CTNNA2: variants seen among roughly 807,000 people sequenced by gnomAD.
CTNNA2 encodes catenin alpha 2.
CTNNA2 carries 42 observed loss-of-function variants against 101.0 expected under a neutral mutation model. The observed-to-expected ratio is 0.42, with a 90% CI of 0.32 to 0.54. CTNNA2 has a LOEUF of 0.54. CTNNA2 is among the 20% of genes least tolerant of loss of function. The probability of loss-of-function intolerance (pLI) is 0.14; values close to 1 mark genes in which losing one functional copy is unlikely to be tolerated. For missense variants in CTNNA2, 871 were observed against 1,223.1 expected, an observed-to-expected ratio of 0.71 and a Z score of 4.29; for synonymous variants, 450 against 456.4, an observed-to-expected ratio of 0.99 and a Z score of 0.18.
intron 6 of CTNNA2, among the ~76,000 whole-genome samples, chr2:79,900,493 A>G (rs1220545208): frequency 6.6e-6 from 1 of 152,218 alleles, no homozygotes; most frequent in African/African-American, 2.4e-5. Flanking sequence ...ACACAGCATG[A>G]AGTCCTAAGC....
intron 7 of CTNNA2, among the ~76,000 whole-genome samples, chr2:80,178,205 A>C (rs1024833123): frequency 6.6e-6 from 1 of 152,202 alleles, no homozygotes; most frequent in African/African-American, 2.4e-5. Context: ...GGACCTGTTC[A>C]AGCCTGTTCA....
At chr2:80,079,640 C>T (rs1017800112) in intron 7 of CTNNA2, among the ~76,000 whole-genome samples, 2 of 151,730 alleles carry the variant, frequency 1.3e-5, no homozygotes, top group African/African-American at 2.4e-5. Context: ...GGTGAAACCC[C>T]GTGTCTACTA....
chr2:79,773,297 A>G (rs1673723638), intron 3 of CTNNA2, among the ~76,000 whole-genome samples: 1 of 152,204 alleles, frequency 6.6e-6, no homozygotes, highest in Non-Finnish European at 1.5e-5. Flanking sequence ...TTATTTGCCA[A>G]AGTTAAGGAT....
At chr2:80,439,593 G>A (rs921254633) in intron 9 of CTNNA2, among the ~76,000 whole-genome samples, 6 of 152,044 alleles carry the variant, frequency 3.9e-5, no homozygotes, top group African/African-American at 1.4e-4. Context: ...TAGAGAAGAG[G>A]TTTTGCCACG....
At chr2:80,618,093 C>A (rs1242845231) in intron 17 of CTNNA2, among the ~76,000 whole-genome samples, 2 of 151,678 alleles carry the variant, frequency 1.3e-5, no homozygotes, top group African/African-American at 2.4e-5. Flanking sequence ...CTATTTTAAA[C>A]TCCTAAATTT....
At chr2:80,646,670 C>G (rs1033415392) in intron 18 of CTNNA2, among the ~76,000 whole-genome samples, 1 of 151,888 alleles carries the variant, frequency 6.6e-6, no homozygotes, top group Non-Finnish European at 1.5e-5. Flanking sequence ...ACATACCACA[C>G]TAACTACTTA....
intron 2 of CTNNA2, among the ~76,000 whole-genome samples, chr2:79,701,928 G>C (rs1393631871): frequency 6.6e-6 from 1 of 150,468 alleles, no homozygotes; most frequent in Non-Finnish European, 1.5e-5. Context: ...CTTGAATCCG[G>C]GAGATGGGGG....
intron 4 of CTNNA2, chr2:79,493,786 A>T (rs889971477): frequency 6.6e-6 from 1 of 152,254 alleles, no homozygotes; most frequent in Non-Finnish European, 1.5e-5. Flanking sequence ...AGGTAAGAAG[A>T]CACCTTGGCT....
At chr2:79,535,725 G>A (rs748298513) in intron 1 of CTNNA2, among the ~76,000 whole-genome samples, 74 of 151,806 alleles carry the variant, frequency 4.9e-4, no homozygotes, top group Non-Finnish European at 8.2e-4. Context: ...TTCCAGGGAC[G>A]GGTCAAATAT....
At chr2:79,463,894 A>T (rs1195777680) in intron 4 of CTNNA2, among the ~76,000 whole-genome samples, 3 of 152,186 alleles carry the variant, frequency 2.0e-5, no homozygotes, top group Non-Finnish European at 2.9e-5. Context: ...AATGGTAGAA[A>T]AGGAAACATT....
At chr2:79,289,932 A>G (rs954184608) in intron 2 of CTNNA2, among the ~76,000 whole-genome samples, 1 of 152,170 alleles carries the variant, frequency 6.6e-6, no homozygotes, top group Admixed American at 6.5e-5. Context: ...TGGCCCAGAT[A>G]ATCAGCCTCT....
At chr2:80,309,091 A>C (rs1315181238) in intron 7 of CTNNA2, among the ~76,000 whole-genome samples, 1 of 152,090 alleles carries the variant, frequency 6.6e-6, no homozygotes, top group Non-Finnish European at 1.5e-5. Flanking sequence ...TCTGTCTCAG[A>C]AAAAGGAAAA....
intron 9 of CTNNA2, among the ~76,000 whole-genome samples, chr2:80,465,883 T>C (rs1170817900): frequency 6.6e-6 from 1 of 152,150 alleles, no homozygotes; most frequent in African/African-American, 2.4e-5. Context: ...GGTGTGATGG[T>C]TTTTATTTTT....
intron 2 of CTNNA2, among the ~76,000 whole-genome samples, chr2:79,711,696 G>C (rs533045672): frequency 2.0e-5 from 3 of 152,256 alleles, no homozygotes; most frequent in African/African-American, 7.2e-5. Flanking sequence ...AGGGATTGGA[G>C]AACTTTTTTT....
At chr2:79,457,044 C>CA (rs201720766) in intron 4 of CTNNA2, among the ~76,000 whole-genome samples, 4,525 of 151,422 alleles carry the variant, frequency 0.03, 99 homozygotes, top group Non-Finnish European at 0.045. Context: ...TACTAAAATA[C>CA]AAAAAAAATT....
At chr2:79,253,584 T>C (rs1171957736) in intron 2 of CTNNA2, among the ~76,000 whole-genome samples, 4 of 152,226 alleles carry the variant, frequency 2.6e-5, no homozygotes, top group African/African-American at 9.6e-5. Flanking sequence ...TGTCTAGTGA[T>C]TTCAGGCCTG....
intron 12 of CTNNA2, among the ~76,000 whole-genome samples, chr2:80,562,156 G>C (rs1370921547): frequency 7.6e-6 from 1 of 131,278 alleles, no homozygotes; most frequent in East Asian, 1.9e-4. Context: ...CTTTGAACCA[G>C]GTTACCAGTA....
intron 9 of CTNNA2, among the ~76,000 whole-genome samples, chr2:80,455,219 T>C: frequency 6.6e-6 from 1 of 152,214 alleles, no homozygotes; most frequent in East Asian, 1.9e-4. Flanking sequence ...TGCCATGATA[T>C]AGTCAGTAGG....
chr2:79,592,423 T>A (rs1001234544), intron 1 of CTNNA2, among the ~76,000 whole-genome samples: 1 of 152,160 alleles, frequency 6.6e-6, no homozygotes, highest in Non-Finnish European at 1.5e-5. Context: ...TGAGCCACCA[T>A]GCCTGGCCGA....
Sources: allele counts gnomAD v4.1 joint callset (sites outside exome capture counted in the v4.1 genomes callset), GRCh38; gene constraint gnomAD v4.1.1; transcripts MANE v1.5; gene names NCBI Gene and HGNC (gene_info 2026-07-23, HGNC 2026-07-21).